Variants in ELMO1 observed in about 807,000 individuals in gnomAD.
ELMO1 encodes engulfment and cell motility 1, also known as engulfment and cell motility protein 1.
Under a neutral mutation model 98.9 loss-of-function variants are expected in ELMO1, and 26 were observed. The ratio of observed to expected loss-of-function variants is 0.26; its 90% CI spans 0.19 to 0.36. ELMO1 has a LOEUF of 0.36. Among genes scored for constraint, ELMO1 ranks in the 10% least tolerant of loss-of-function variants. The pLI is 1.00. For missense variants in ELMO1, 627 were observed against 935.2 expected, an observed-to-expected ratio of 0.67 and a Z score of 4.30; for synonymous variants, 346 against 346.0, an observed-to-expected ratio of 1.00 and a Z score of 0.00.
chr7:37,390,888 C>T (rs1351859611), intron 1 of ELMO1, among the ~76,000 whole-genome samples: 1 of 152,212 alleles, frequency 6.6e-6, no homozygotes, highest in African/African-American at 2.4e-5. Context: ...GGGCAGGACA[C>T]CAAATTGACC....
chr7:36,937,483 CTT>C (rs1786650180), intron 16 of ELMO1, among the ~76,000 whole-genome samples: 1 of 152,220 alleles, frequency 6.6e-6, no homozygotes. Flanking sequence ...GAGACCATAA[CTT>C]TCTCATAGCC....
chr7:37,006,436 G>C (rs1360803516), intron 16 of ELMO1, among the ~76,000 whole-genome samples: 1 of 152,204 alleles, frequency 6.6e-6, no homozygotes, highest in Non-Finnish European at 1.5e-5. Context: ...AAAGGACTTG[G>C]TGGTTAAAGA....
chr7:37,395,906 G>C (rs1803282777), intron 1 of ELMO1, among the ~76,000 whole-genome samples: 1 of 152,182 alleles, frequency 6.6e-6, no homozygotes, highest in East Asian at 1.9e-4. Context: ...GATTAACAGT[G>C]AGAAAAAATG....
intron 10 of ELMO1, among the ~76,000 whole-genome samples, chr7:37,222,399 A>T (rs922687226): frequency 2.0e-5 from 3 of 152,158 alleles, no homozygotes; most frequent in African/African-American, 7.2e-5. Flanking sequence ...ATCCCTCATC[A>T]GTCAAGGGCT....
chr7:37,243,465 CT>C (rs1288996193), intron 7 of ELMO1, among the ~76,000 whole-genome samples: 1 of 152,176 alleles, frequency 6.6e-6, no homozygotes, highest in Non-Finnish European at 1.5e-5. Flanking sequence ...AGTGCTTCTA[CT>C]GTATTAAATA....
chr7:37,253,789 A>G (rs1795491359), intron 6 of ELMO1, among the ~76,000 whole-genome samples: 1 of 151,900 alleles, frequency 6.6e-6, no homozygotes, highest in Non-Finnish European at 1.5e-5. Context: ...TCTGAATCTC[A>G]TTATTCCTAA....
chr7:37,092,530 C>T (rs1269145712), intron 15 of ELMO1, among the ~76,000 whole-genome samples: 4 of 151,930 alleles, frequency 2.6e-5, no homozygotes, highest in South Asian at 2.1e-4. Flanking sequence ...AGGCACCCGC[C>T]ACCATGCCCG....
At chr7:37,361,134 C>T (rs1801684109) in intron 1 of ELMO1, among the ~76,000 whole-genome samples, 1 of 152,162 alleles carries the variant, frequency 6.6e-6, no homozygotes, top group Admixed American at 6.5e-5. Context: ...TCATATGACA[C>T]AGCAATTCTA....
At chr7:37,036,628 C>G (rs1004689842) in intron 15 of ELMO1, among the ~76,000 whole-genome samples, 2 of 152,136 alleles carry the variant, frequency 1.3e-5, no homozygotes, top group South Asian at 2.1e-4. Context: ...ATCCTCCCAA[C>G]TCAGATTCCC....
chr7:37,017,895 A>G (rs1205069283), intron 15 of ELMO1, among the ~76,000 whole-genome samples: 2 of 152,206 alleles, frequency 1.3e-5, no homozygotes, highest in Non-Finnish European at 2.9e-5. Context: ...AAACACAGGA[A>G]TGAGGAGGCA....
At chr7:37,093,644 T>C (rs1411399459) in intron 15 of ELMO1, among the ~76,000 whole-genome samples, 6 of 152,254 alleles carry the variant, frequency 3.9e-5, no homozygotes, top group Non-Finnish European at 1.5e-5. Flanking sequence ...TAGTAACTTA[T>C]TTAATATGGC....
intron 1 of ELMO1, among the ~76,000 whole-genome samples, chr7:37,374,488 A>T (rs987859534): frequency 1.2e-4 from 19 of 152,232 alleles, no homozygotes; most frequent in African/African-American, 4.6e-4. Flanking sequence ...GTGGCGGCTC[A>T]TGCCTGTAAT....
chr7:36,884,587 T>C (rs989297059), intron 18 of ELMO1, among the ~76,000 whole-genome samples: 1 of 152,178 alleles, frequency 6.6e-6, no homozygotes, highest in Non-Finnish European at 1.5e-5. Context: ...TCTTTTGAGA[T>C]ATATTACCTC....
At chr7:36,890,778 T>C (rs935669298) in intron 17 of ELMO1, among the ~76,000 whole-genome samples, 15 of 152,174 alleles carry the variant, frequency 9.9e-5, no homozygotes, top group Admixed American at 7.2e-4. Flanking sequence ...AACACCTAAG[T>C]CACATCACAT....
intron 16 of ELMO1, among the ~76,000 whole-genome samples, chr7:36,979,516 G>C (rs1327818657): frequency 2.6e-5 from 4 of 152,162 alleles, no homozygotes; most frequent in African/African-American, 9.7e-5. Flanking sequence ...CGCTGGCTCA[G>C]GGAATCTAGG....
chr7:37,080,142 G>A (rs1797786284), intron 15 of ELMO1, among the ~76,000 whole-genome samples: 1 of 152,132 alleles, frequency 6.6e-6, no homozygotes, highest in Non-Finnish European at 1.5e-5. Flanking sequence ...AAATCCTGTT[G>A]GCTCTACCTT....
chr7:37,439,170 T>A (rs1406965641), intron 1 of ELMO1, among the ~76,000 whole-genome samples: 2 of 152,212 alleles, frequency 1.3e-5, no homozygotes, highest in African/African-American at 4.8e-5. Context: ...TACCATCTAA[T>A]CTATCCTCCA....
chr7:36,952,964 C>CTTTTTTTTTTTT (rs70980904), intron 16 of ELMO1, among the ~76,000 whole-genome samples: 1 of 82,876 alleles, frequency 1.2e-5, no homozygotes, highest in Admixed American at 1.4e-4. Flanking sequence ...AGTCACTACT[C>CTTTTTTTTTTTT]TTTTTTTTTT....
intron 1 of ELMO1, among the ~76,000 whole-genome samples, chr7:37,428,053 G>GTGTC (rs1307359880): frequency 1.6e-4 from 25 of 151,736 alleles, no homozygotes; most frequent in African/African-American, 6.1e-4. Context: ...GTGTGTGTGT[G>GTGTC]TGTGTCTGTG....
Sources: allele counts gnomAD v4.1 joint callset (sites outside exome capture counted in the v4.1 genomes callset), GRCh38; gene constraint gnomAD v4.1.1; transcripts MANE v1.5; gene names NCBI Gene and HGNC (gene_info 2026-07-23, HGNC 2026-07-21).